The following GOLGA7B variants were observed in gnomAD, a reference collection of about 807,000 sequenced individuals.
GOLGA7B encodes golgin subfamily A member 7B.
Under a neutral mutation model 21.5 loss-of-function variants are expected in GOLGA7B, and 17 were observed. The ratio of observed to expected loss-of-function variants is 0.79; its 90% CI spans 0.54 to 1.19. The LOEUF (loss-of-function observed/expected upper bound fraction) is 1.19, where lower values mean the gene tolerates loss of function less well. Among genes scored for constraint, GOLGA7B ranks in the 50% most tolerant of loss-of-function variants. The probability of loss-of-function intolerance (pLI) is 0.00; values close to 1 mark genes in which losing one functional copy is unlikely to be tolerated. For synonymous variants in GOLGA7B, 87 were observed against 84.0 expected (o/e 1.04, Z -0.19); for missense variants, 169 against 224.4 (o/e 0.75, Z 1.58).
In GOLGA7B at chr10:97,863,986, G is replaced by T; in HGVS notation, c.195G>T (p.Glu65Asp). ...TVKTLNGFYA[E>D]AEKIGGSSYL... ...AGACCCTCAACGGATTTTACGCAGA[G>T]GCTGAGAAGATTGGGGGCAGCTCCT... is the stretch of plus-strand genomic sequence containing the variant. Residue 65 changes from glutamate to aspartate, a missense_variant, in exon 3 of 5, where the codon GAG becomes GAT. Glu to Asp is a conservative substitution (Grantham distance 45). Transcript: ENST00000370602. The T allele has an allele frequency of 1.2e-6, 2 of 1,614,224 alleles. No individual in the cohort carries two copies. Among genetic ancestry groups the T allele is most frequent in the Non-Finnish European group, 8.5e-7 (1 of 1,180,036 alleles).
At chr10:97,850,383 C>A in intron 1 of GOLGA7B, 68 bp downstream of exon 1, 2 of 1,332,278 alleles carry the variant, frequency 1.5e-6, no homozygotes, top group Non-Finnish European at 2.0e-6. Flanking sequence ...TAGGGGTGGG[C>A]TGGGCAGGAG....
chr10:97,869,191 G>A lies in GOLGA7B; in HGVS notation c.*3491G>A, dbSNP rs762985366. The A allele has an allele frequency of 1.3e-5, 2 of 152,296 alleles. No homozygotes were observed. Among genetic ancestry groups the A allele is most frequent in the Non-Finnish European group, 2.9e-5 (2 of 68,092 alleles). The allele number at this position is 152,296 out of a possible 1,614,324, so 9.4% of individuals were successfully genotyped here. A position where few individuals can be genotyped will look rare whatever the true frequency, so the allele number is the denominator to read the frequency against. On this transcript the variant is annotated 3_prime_UTR_variant, in exon 5 of 5. Transcript: ENST00000370602. ...CTTGGAGCCATGCCTGGGTTTTGAG[G>A]CCGGGCTGGCACCTCCACTTCCAGG... is the stretch of plus-strand genomic sequence containing the variant.
chr10:97,849,953 C>G lies in GOLGA7B; in HGVS notation c.-351C>G, dbSNP rs867546445. On this transcript the variant is annotated 5_prime_UTR_variant, in exon 1 of 5. Coordinates refer to ENST00000370602, the MANE Select transcript of GOLGA7B (RefSeq NM_001010917.3). ...AGCGGCGGCTCCTGGCCCCTCCTCC[C>G]CCGGCCGCCCCCATCCCCGCCGCCG... 2.6e-5 allele frequency among the ~76,000 whole-genome samples: 4 copies of G among 151,450 alleles called. No individual in the cohort carries two copies. Among genetic ancestry groups the G allele is most frequent in the East Asian group, 3.9e-4 (2 of 5,132 alleles).
Position 97,865,871 on chromosome 10 carries a change from T to C in GOLGA7B, c.*171T>C. The C allele has an allele frequency of 9.7e-6, 11 of 1,134,750 alleles. No homozygotes were observed. The highest frequency in any genetic ancestry group is 1.7e-5 in the South Asian group (1 of 59,696). The allele number at this position is 1,134,750 out of a possible 1,614,324, so 70.3% of individuals were successfully genotyped here. A position where few individuals can be genotyped will look rare whatever the true frequency, so the allele number is the denominator to read the frequency against. On this transcript the variant is annotated 3_prime_UTR_variant, in exon 5 of 5. Coordinates refer to ENST00000370602, the MANE Select transcript of GOLGA7B (RefSeq NM_001010917.3). ...ATATTTCCTGTGGGCCATCAACCTA[T>C]GCCCCCTGTCCCTCACCCCCGTCTG...
intron 4 of GOLGA7B, 47 bp from the exon 5 acceptor site, chr10:97,865,543 C>T (rs992536018): frequency 1.9e-6 from 3 of 1,604,120 alleles, no homozygotes; most frequent in Non-Finnish European, 2.6e-6. Context: ...ATGTCCCACC[C>T]CTGCTCAGCA....
chr10:97,864,514 G>A (rs1000140194), intron 4 of GOLGA7B, among the ~76,000 whole-genome samples: 1 of 152,214 alleles, frequency 6.6e-6, no homozygotes, highest in African/African-American at 2.4e-5. Context: ...ATCATGTGAA[G>A]TGCTTTGAAA....
At chr10:97,853,354 C>T (rs1182701349) in intron 1 of GOLGA7B, among the ~76,000 whole-genome samples, 1 of 152,182 alleles carries the variant, frequency 6.6e-6, no homozygotes, top group Admixed American at 6.5e-5. Context: ...AAGATGGCGC[C>T]AGGGGGGCAC....
intron 2 of GOLGA7B, among the ~76,000 whole-genome samples, chr10:97,860,931 G>T (rs148486990): frequency 8.5e-5 from 13 of 152,282 alleles, no homozygotes; most frequent in African/African-American, 2.9e-4. Flanking sequence ...ATCTCCTGGT[G>T]GGGGAGACTT....
intron 1 of GOLGA7B, among the ~76,000 whole-genome samples, chr10:97,856,773 T>C (rs2049937807): frequency 1.3e-5 from 2 of 152,246 alleles, no homozygotes; most frequent in South Asian, 4.1e-4. Flanking sequence ...ATAGCTATTC[T>C]GATTGGTGTA....
chr10:97,851,305 G>C (rs535664406), intron 1 of GOLGA7B, among the ~76,000 whole-genome samples: 2 of 152,302 alleles, frequency 1.3e-5, no homozygotes, highest in Non-Finnish European at 2.9e-5. Context: ...CACTGGGGGA[G>C]AGCAGAGGCC....
intron 1 of GOLGA7B, among the ~76,000 whole-genome samples, chr10:97,852,935 C>T (rs1046313333): frequency 6.6e-6 from 1 of 152,110 alleles, no homozygotes; most frequent in Non-Finnish European, 1.5e-5. Context: ...GAATGTGTGT[C>T]ACTGGGAGCA....
Position 97,865,646 on chromosome 10 carries a change from CAGCAGCGGCAGT to C in GOLGA7B, c.451_462del (p.Ser151_Ser154del). ...GCAGTGGCAGCTCCAGCAGCGGCAG[CAGCAGCGGCAGT>C]GGCAGCAGCAGCGGTGGGGGTGGTG... On this transcript the variant is annotated inframe_deletion, in exon 5 of 5. Coordinates refer to ENST00000370602, the MANE Select transcript of GOLGA7B (RefSeq NM_001010917.3). 6.2e-7 allele frequency: 1 copy of C among 1,611,888 alleles called. No homozygotes were observed. The highest frequency in any genetic ancestry group is 1.3e-5 in the African/African-American group (1 of 75,026).
chr10:97,863,647 A>G (rs139645055), intron 2 of GOLGA7B, among the ~76,000 whole-genome samples: 39 of 152,350 alleles, frequency 2.6e-4, no homozygotes, highest in African/African-American at 9.4e-4. Context: ...AGCCATTCTT[A>G]TTCCCATTTT....
rs1325207347 is a variant in GOLGA7B at position 97,849,960 on chromosome 10, GC to G, written c.-339del. Among the ~76,000 whole-genome samples the G allele has an allele frequency of 6.9e-6, 1 of 144,252 alleles. No individual in the cohort carries two copies. Among genetic ancestry groups the G allele is most frequent in the African/African-American group, 2.5e-5 (1 of 39,294 alleles). The allele number at this position is 144,252 out of a possible 152,430, so 94.6% of individuals were successfully genotyped here. A position where few individuals can be genotyped will look rare whatever the true frequency, so the allele number is the denominator to read the frequency against. ...GCTCCTGGCCCCTCCTCCCCCGGCC[GC>G]CCCCATCCCCGCCGCCGCCGCCGCC... On this transcript the variant is annotated 5_prime_UTR_variant, in exon 1 of 5. Transcript: ENST00000370602.
chr10:97,865,580 C>G lies in GOLGA7B; in HGVS notation c.394-10C>G, dbSNP rs1274737189. On this transcript the variant is annotated splice_polypyrimidine_tract_variant and intron_variant, in intron 4 of 4. Transcript: ENST00000370602. ...CTGGGCTCGCAGCTCTCCTTAACCA[C>G]CGACCCCAGATTGAGATCTCCATCT... The G allele has an allele frequency of 6.2e-7, 1 of 1,612,836 alleles. No homozygotes were observed.
At chr10:97,864,357 T>A in intron 4 of GOLGA7B, 88 bp downstream of exon 4, 1 of 1,043,538 alleles carries the variant, frequency 9.6e-7, no homozygotes, top group Non-Finnish European at 1.5e-6. Flanking sequence ...GAGGCCACCT[T>A]AGGGGCCTCC....
intron 1 of GOLGA7B, among the ~76,000 whole-genome samples, chr10:97,852,696 G>C (rs1164070871): frequency 6.6e-6 from 1 of 151,968 alleles, no homozygotes; most frequent in African/African-American, 2.4e-5. Flanking sequence ...GAAGGAGAGA[G>C]GGAGAGGAAG....
At chr10:97,859,640 T>C in intron 2 of GOLGA7B, 57 bp downstream of exon 2, 2 of 1,570,392 alleles carry the variant, frequency 1.3e-6, no homozygotes, top group Non-Finnish European at 1.7e-6. Context: ...CTGAGGTTCT[T>C]ATTGGAATGT....
intron 1 of GOLGA7B, among the ~76,000 whole-genome samples, chr10:97,851,353 T>A (rs2049904861): frequency 6.6e-6 from 1 of 152,184 alleles, no homozygotes; most frequent in African/African-American, 2.4e-5. Flanking sequence ...GGCATCCTGG[T>A]GAGCAGTGTG....
Sources: allele counts gnomAD v4.1 joint callset (sites outside exome capture counted in the v4.1 genomes callset), GRCh38; gene constraint gnomAD v4.1.1; transcripts MANE v1.5; gene names NCBI Gene and HGNC (gene_info 2026-07-23, HGNC 2026-07-21).